The following CPVL variants were observed in gnomAD, a reference collection of about 807,000 sequenced individuals.
CPVL encodes carboxypeptidase vitellogenic like.
Under a neutral mutation model 63.7 loss-of-function variants are expected in CPVL, and 51 were observed. That is an observed-to-expected ratio of 0.80 (90% confidence interval 0.64 to 1.01). The LOEUF is 1.01. CPVL is among the 50% of genes least tolerant of loss of function. The pLI is 0.00. For synonymous variants in CPVL, 195 were observed against 206.0 expected, an observed-to-expected ratio of 0.95 and a Z score of 0.46; for missense variants, 530 against 573.1, an observed-to-expected ratio of 0.92 and a Z score of 0.77.
chr7:29,161,982 T>C (rs968357585), intron 5 of CPVL, among the ~76,000 whole-genome samples: 2 of 152,174 alleles, frequency 1.3e-5, no homozygotes, highest in Non-Finnish European at 2.9e-5. Flanking sequence ...AGATCACTTA[T>C]AAACCTATTA....
chr7:29,154,540 GTAT>G (rs755066260), intron 5 of CPVL, among the ~76,000 whole-genome samples: 3 of 152,088 alleles, frequency 2.0e-5, no homozygotes, highest in Non-Finnish European at 4.4e-5. Context: ...ATTTAAAGAA[GTAT>G]TATTATTAGG....
At chr7:29,132,521 C>T (rs748620022) in intron 1 of CPVL, among the ~76,000 whole-genome samples, 63 of 152,228 alleles carry the variant, frequency 4.1e-4, no homozygotes, top group Non-Finnish European at 6.5e-4. Flanking sequence ...ACCTCACTCC[C>T]CATCCCCACA....
chr7:29,140,054 G>A (rs550581775), intron 1 of CPVL, among the ~76,000 whole-genome samples: 3 of 152,174 alleles, frequency 2.0e-5, no homozygotes, highest in South Asian at 4.2e-4. Context: ...CTTGACTTAG[G>A]AGCATATGAG....
intron 9 of CPVL, among the ~76,000 whole-genome samples, chr7:29,069,298 A>G (rs899638591): frequency 6.6e-6 from 1 of 151,730 alleles, no homozygotes; most frequent in Non-Finnish European, 1.5e-5. Flanking sequence ...AAAATTAGCC[A>G]TTCGTGGTGG....
intron 5 of CPVL, among the ~76,000 whole-genome samples, chr7:29,161,631 G>A (rs1795190545): frequency 6.6e-6 from 1 of 152,168 alleles, no homozygotes; most frequent in African/African-American, 2.4e-5. Context: ...ACGATGGGTA[G>A]ACTGGCCTTT....
At chr7:29,111,219 T>C (rs112059682) in intron 3 of CPVL, among the ~76,000 whole-genome samples, 2,079 of 152,322 alleles carry the variant, frequency 0.014, 25 homozygotes, top group Non-Finnish European at 0.021. Context: ...ATAGATATGA[T>C]ATAAAAAATG....
intron 5 of CPVL, among the ~76,000 whole-genome samples, chr7:29,157,345 C>G (rs145052598): frequency 2.0e-5 from 3 of 152,052 alleles, no homozygotes; most frequent in African/African-American, 4.8e-5. Flanking sequence ...CAATGCCCAG[C>G]CCCTGCTGGT....
chr7:29,145,399 A>G (rs1422022184), intron 1 of CPVL, among the ~76,000 whole-genome samples: 1 of 152,038 alleles, frequency 6.6e-6, no homozygotes, highest in East Asian at 1.9e-4. Context: ...TCATCCAAGT[A>G]GTGGATACCG....
intron 9 of CPVL, among the ~76,000 whole-genome samples, chr7:29,066,695 T>C (rs1783167167): frequency 1.3e-5 from 2 of 152,086 alleles, no homozygotes; most frequent in Admixed American, 6.6e-5. Flanking sequence ...CCAGATGACA[T>C]GGAGAGAAGA....
intron 12 of CPVL, among the ~76,000 whole-genome samples, chr7:29,006,005 G>T (rs549836639): frequency 2.0e-5 from 3 of 152,300 alleles, no homozygotes; most frequent in African/African-American, 7.2e-5. Context: ...CTTAGATCCT[G>T]ACTCATCATC....
At chr7:29,009,682 A>G (rs1785602324) in intron 12 of CPVL, 1 of 152,224 alleles carries the variant, frequency 6.6e-6, no homozygotes, top group Non-Finnish European at 1.5e-5. Flanking sequence ...TTAAACATGA[A>G]AAGTAAAATA....
intron 1 of CPVL, chr7:29,125,102 T>C (rs1239309815): frequency 6.6e-6 from 1 of 152,194 alleles, no homozygotes; most frequent in Non-Finnish European, 1.5e-5. Flanking sequence ...GATGCTATTA[T>C]AATAATATTT....
intron 9 of CPVL, among the ~76,000 whole-genome samples, chr7:29,066,495 G>A (rs769039057): frequency 6.6e-6 from 1 of 152,236 alleles, no homozygotes; most frequent in Non-Finnish European, 1.5e-5. Flanking sequence ...ACAATGTAGA[G>A]AGGAGGTCAC....
intron 7 of CPVL, among the ~76,000 whole-genome samples, chr7:29,084,523 GC>G (rs1217209262): frequency 6.6e-6 from 1 of 152,124 alleles, no homozygotes; most frequent in Admixed American, 6.6e-5. Context: ...AGTTATCACT[GC>G]CTACCTCTCT....
intron 5 of CPVL, among the ~76,000 whole-genome samples, chr7:29,179,638 G>A (rs923159710): frequency 2.6e-5 from 4 of 152,192 alleles, no homozygotes; most frequent in Non-Finnish European, 5.9e-5. Context: ...TCTGATATAT[G>A]TAAATAAATA....
chr7:29,115,284 C>T (rs933868958), intron 2 of CPVL, among the ~76,000 whole-genome samples: 4 of 152,170 alleles, frequency 2.6e-5, no homozygotes, highest in African/African-American at 9.7e-5. Context: ...CTTTTTCTGG[C>T]TCAGCCTGGT....
chr7:29,025,858 C>G (rs572509333), intron 12 of CPVL, among the ~76,000 whole-genome samples: 3 of 152,196 alleles, frequency 2.0e-5, no homozygotes, highest in South Asian at 4.2e-4. Flanking sequence ...GAGATAGGCT[C>G]CAATACAATC....
intron 3 of CPVL, among the ~76,000 whole-genome samples, chr7:29,103,255 T>G (rs1425859725): frequency 2.0e-5 from 3 of 149,986 alleles, no homozygotes; most frequent in African/African-American, 7.4e-5. Context: ...TTTGTTTTTT[T>G]TTTTTTTTGA....
chr7:28,999,871 T>C (rs1222525450), intron 12 of CPVL, among the ~76,000 whole-genome samples: 1 of 151,448 alleles, frequency 6.6e-6, no homozygotes, highest in African/African-American at 2.4e-5. Flanking sequence ...AAATATATTT[T>C]TGAGTGTGGA....
Sources: allele counts gnomAD v4.1 joint callset (sites outside exome capture counted in the v4.1 genomes callset), GRCh38; gene constraint gnomAD v4.1.1; transcripts MANE v1.5; gene names NCBI Gene and HGNC (gene_info 2026-07-23, HGNC 2026-07-21).